The following SLC2A5 variants were observed in gnomAD, a reference collection of about 807,000 sequenced individuals.
The protein encoded by SLC2A5 is solute carrier family 2, facilitated glucose transporter member 5.
Under a neutral mutation model 50.3 loss-of-function variants are expected in SLC2A5, and 56 were observed. The ratio of observed to expected loss-of-function variants is 1.11; its 90% CI spans 0.90 to 1.39. The LOEUF (loss-of-function observed/expected upper bound fraction) is 1.39, where lower values mean the gene tolerates loss of function less well. SLC2A5 is among the 40% of genes most tolerant of loss of function. SLC2A5 has a pLI of 0.00. For missense variants in SLC2A5, 566 were observed against 650.1 expected (o/e 0.87, Z 1.41); for synonymous variants, 269 against 281.9 (o/e 0.95, Z 0.46).
intron 4 of SLC2A5, 109 bp downstream of exon 4, chr1:9,047,501 C>T (rs949085017): frequency 4.1e-5 from 48 of 1,160,964 alleles, no homozygotes; most frequent in Non-Finnish European, 5.4e-5. Flanking sequence ...GGTATAGGAA[C>T]GCTTTCTACA....
Position 9,057,538 on chromosome 1 carries a change from G to A in SLC2A5, c.203C>T (p.Thr68Met), listed in dbSNP as rs761342863. 3 of 1,613,716 alleles carry A rather than the reference G, an allele frequency of 1.9e-6. No homozygotes were observed. Among genetic ancestry groups the A allele is most frequent in the South Asian group, 1.1e-5 (1 of 91,076 alleles). Residue 68 changes from threonine to methionine, a missense_variant, in exon 3 of 12, where the codon ACG becomes ATG. Transcript: ENST00000377424. ...GGACACGGTTACAGACCACAGCAAC[G>A]TCAAGGGGAAGTCTTCCATGAATTC... ...TGEFMEDFPL[T>M]LLWSVTVSMF...
At chr1:9,078,583 A>C (rs1318426614) in intron 2 of SLC2A5, among the ~76,000 whole-genome samples, 2 of 152,190 alleles carry the variant, frequency 1.3e-5, no homozygotes, top group Non-Finnish European at 2.9e-5. Context: ...TTGTATCCCC[A>C]AAAACTATTG....
intron 1 of SLC2A5, among the ~76,000 whole-genome samples, chr1:9,063,279 G>T (rs1206194043): frequency 2.0e-5 from 3 of 152,130 alleles, no homozygotes; most frequent in Non-Finnish European, 4.4e-5. Context: ...TTGTTGCCCA[G>T]GCTGGTCTCA....
At chr1:9,038,759 C>T (rs776020098) in intron 9 of SLC2A5, 69 bp downstream of exon 9, 25 of 1,496,466 alleles carry the variant, frequency 1.7e-5, no homozygotes, top group Admixed American at 2.3e-5. Flanking sequence ...CAGGTGGAGG[C>T]GCAGGATGGG....
chr1:9,082,786 T>G, intron 2 of SLC2A5: 1 of 428,018 alleles, frequency 2.3e-6, no homozygotes, highest in Non-Finnish European at 4.5e-6. Context: ...CTAAAGTAAA[T>G]TCCCAGAAGT....
intron 3 of SLC2A5, among the ~76,000 whole-genome samples, chr1:9,057,200 C>T (rs997318380): frequency 1.8e-4 from 27 of 150,308 alleles, no homozygotes; most frequent in Admixed American, 1.5e-3. Flanking sequence ...GCAGGAGAAT[C>T]GCTTGAACCT....
At chr1:9,082,447 T>G (rs1569924923) in intron 2 of SLC2A5, among the ~76,000 whole-genome samples, 2 of 152,054 alleles carry the variant, frequency 1.3e-5, no homozygotes, top group South Asian at 4.2e-4. Context: ...GGCACAGGGG[T>G]GCATGCCTGT....
chr1:9,053,481 T>TTA (rs1276852236), intron 3 of SLC2A5, among the ~76,000 whole-genome samples: 5 of 67,272 alleles, frequency 7.4e-5, no homozygotes, highest in African/African-American at 2.7e-4. Context: ...TTTATATATA[T>TTA]TATATATTTA....
rs748856047 is a variant in SLC2A5, at chr1:9,037,793, C to A, written c.1303-4G>T. On this transcript the variant is annotated splice_region_variant and splice_polypyrimidine_tract_variant and intron_variant, in intron 11 of 11. Coordinates refer to ENST00000377424, the MANE Select transcript of SLC2A5 (RefSeq NM_003039.3). Reference sequence around the variant, plus strand: ...AGCTGTACGGGCCGAGGCCCTCCTGCGGGAAGAGGGGCAGGTGACACGTGT... The same window carrying A: ...AGCTGTACGGGCCGAGGCCCTCCTGAGGGAAGAGGGGCAGGTGACACGTGT... 2 of 1,614,074 alleles carry A rather than the reference C, an allele frequency of 1.2e-6. No individual in the cohort carries two copies. The highest frequency in any genetic ancestry group is 1.3e-5 in the African/African-American group (1 of 75,060).
intron 1 of SLC2A5, among the ~76,000 whole-genome samples, chr1:9,067,302 C>A (rs1366373172): frequency 3.3e-5 from 5 of 152,222 alleles, no homozygotes; most frequent in African/African-American, 1.2e-4. Context: ...CCCATCCCCA[C>A]CTTCATCCCT....
At chr1:9,061,116 C>T (rs1641931300) in intron 1 of SLC2A5, among the ~76,000 whole-genome samples, 2 of 151,608 alleles carry the variant, frequency 1.3e-5, no homozygotes, top group East Asian at 2.0e-4. Flanking sequence ...GAAACCTCGT[C>T]TCTACTAAAA....
intron 4 of SLC2A5, among the ~76,000 whole-genome samples, chr1:9,043,317 C>T (rs1641352020): frequency 6.6e-6 from 1 of 152,150 alleles, no homozygotes; most frequent in African/African-American, 2.4e-5. Flanking sequence ...GCAATTCTAC[C>T]CACAGATGTC....
At chr1:9,092,785 G>T (rs529556830), upstream of SLC2A5, among the ~76,000 whole-genome samples, 1 of 152,096 alleles carries the variant, frequency 6.6e-6, no homozygotes, top group African/African-American at 2.4e-5. Context: ...TCAAACACTT[G>T]CAGGAGCCCT....
intron 3 of SLC2A5, among the ~76,000 whole-genome samples, chr1:9,053,708 T>C (rs61397175): frequency 0.043 from 6,330 of 148,152 alleles, 289 homozygotes; most frequent in East Asian, 0.18. Flanking sequence ...ACCTCATCTC[T>C]ACTAAAAATA....
chr1:9,046,774 T>G (rs1342166008), intron 4 of SLC2A5, among the ~76,000 whole-genome samples: 2 of 152,052 alleles, frequency 1.3e-5, no homozygotes, highest in Non-Finnish European at 1.5e-5. Flanking sequence ...TTTATTGATT[T>G]ATATATATAT....
chr1:9,077,401 AAAAAAAAAAAGC>A (rs1200609323), intron 2 of SLC2A5, among the ~76,000 whole-genome samples: 1 of 145,564 alleles, frequency 6.9e-6, no homozygotes, highest in Non-Finnish European at 1.5e-5. Flanking sequence ...CCTGTCTCAA[AAAAAAAAAAAGC>A]AAAAAAAAAA....
Position 9,050,466 on chromosome 1 carries a change from A to C in SLC2A5, c.294-2732T>G, listed in dbSNP as rs557986438. 1.2e-4 allele frequency among the ~76,000 whole-genome samples: 19 copies of C among 152,208 alleles called. No homozygotes were observed. In the South Asian group the frequency reaches 3.9e-3, roughly 32 times the overall value. On this transcript the variant is annotated intron_variant, in intron 3 of 11. Coordinates refer to ENST00000377424, the MANE Select transcript of SLC2A5 (RefSeq NM_003039.3). ...AGTGACACCCTGTCTCAAAAACAAAAAACAAAAAAAAGGAAAGAAAATGGT... is the reference window on the plus strand; with the variant it reads ...AGTGACACCCTGTCTCAAAAACAAACAACAAAAAAAAGGAAAGAAAATGGT...
At position 9,051,470 on chromosome 1, in the gene SLC2A5, C is replaced by T. The variant is rs1278571218; in HGVS notation, c.294-3736G>A. ...AAAACTTAAAAAGAAAACAAACAACCCAATTTAAAAATGGGCCAAAGATCT... is the reference window on the plus strand; with the variant it reads ...AAAACTTAAAAAGAAAACAAACAACTCAATTTAAAAATGGGCCAAAGATCT... On this transcript the variant is annotated intron_variant, in intron 3 of 11. Coordinates refer to ENST00000377424, the MANE Select transcript of SLC2A5 (RefSeq NM_003039.3). 2.6e-5 allele frequency among the ~76,000 whole-genome samples: 4 copies of T among 151,928 alleles called. No homozygotes were observed. In the East Asian group the frequency reaches 7.7e-4, roughly 29 times the overall value.
At chr1:9,085,204 A>G (rs1176974643) in intron 1 of SLC2A5, 2 of 152,274 alleles carry the variant, frequency 1.3e-5, no homozygotes, top group African/African-American at 4.8e-5. Context: ...TGAGCCAAGT[A>G]TGAGTGACTA....
Sources: allele counts gnomAD v4.1 joint callset (sites outside exome capture counted in the v4.1 genomes callset), GRCh38; gene constraint gnomAD v4.1.1; transcripts MANE v1.5; gene names NCBI Gene and HGNC (gene_info 2026-07-23, HGNC 2026-07-21).